ASPG: variants seen among roughly 807,000 people sequenced by gnomAD.
The protein encoded by ASPG is 60 kDa lysophospholipase.
ASPG carries 53 observed loss-of-function variants against 63.2 expected under a neutral mutation model. The observed-to-expected ratio is 0.84, with a 90% CI of 0.67 to 1.05. The LOEUF is 1.05. Among genes scored for constraint, ASPG ranks in the 50% least tolerant of loss-of-function variants. The probability of loss-of-function intolerance (pLI) is 0.00; values close to 1 mark genes in which losing one functional copy is unlikely to be tolerated. For missense variants in ASPG, 741 were observed against 794.4 expected, an observed-to-expected ratio of 0.93 and a Z score of 0.81; for synonymous variants, 370 against 355.0, an observed-to-expected ratio of 1.04 and a Z score of -0.48.
At chr14:104,105,937 C>T (rs980687464) in intron 10 of ASPG, among the ~76,000 whole-genome samples, 7 of 152,222 alleles carry the variant, frequency 4.6e-5, no homozygotes, top group African/African-American at 1.4e-4. Context: ...CCCTGGACCC[C>T]GCAACATGCC....
rs2037445829 is a variant in ASPG at position 104,115,310 on chromosome 14, T to C, written c.*2766T>C. On this transcript the variant is annotated 3_prime_UTR_variant, in exon 16 of 16. Coordinates refer to ENST00000551177, the MANE Select transcript of ASPG (RefSeq NM_001080464.3). ...GCTTGTACTTGTCACCTTCTCCCCG[T>C]CCTCTCTCGTCAGTTCCCTTGGATG... is the stretch of plus-strand genomic sequence containing the variant. The C allele has an allele frequency of 6.6e-6, 1 of 152,152 alleles. No individual in the cohort carries two copies. The highest frequency in any genetic ancestry group is 2.4e-5 in the African/African-American group (1 of 41,414). The allele number at this position is 152,152 out of a possible 1,614,324, so 9.4% of individuals were successfully genotyped here.
In ASPG at chr14:104,113,193, T is replaced by A. The variant is rs1476254533; in HGVS notation, c.*649T>A. 1 of 158,304 alleles carries A rather than the reference T, an allele frequency of 6.3e-6. No individual in the cohort carries two copies. The highest frequency in any genetic ancestry group is 1.9e-4 in the East Asian group (1 of 5,386). The allele number at this position is 158,304 out of a possible 1,614,324, so 9.8% of individuals were successfully genotyped here. A position where few individuals can be genotyped will look rare whatever the true frequency, so the allele number is the denominator to read the frequency against. On this transcript the variant is annotated 3_prime_UTR_variant, in exon 16 of 16. Coordinates refer to ENST00000551177, the MANE Select transcript of ASPG (RefSeq NM_001080464.3). ...ATAGGGCTGCGGAAGCCTGTGAGTG[T>A]CAAGGGGGCTTCACACTCTGGTGGT...
intron 5 of ASPG, 42 bp from the exon 6 acceptor site, chr14:104,098,811 A>G: frequency 1.2e-6 from 2 of 1,600,516 alleles, no homozygotes; most frequent in Non-Finnish European, 1.7e-6. Flanking sequence ...GGTCGGGGAC[A>G]GGGTGGCCGC....
rs1437458089 is a variant in ASPG at position 104,114,679 on chromosome 14, C to T, written c.*2135C>T. ...GCTGGGCAGTGACCTGGCCCCAAGG[C>T]CTCTGGCTCTCTGGCGTGCAGTGGG... is the stretch of plus-strand genomic sequence containing the variant. On this transcript the variant is annotated 3_prime_UTR_variant, in exon 16 of 16. Transcript: ENST00000551177. The T allele has an allele frequency of 1.3e-5, 2 of 152,444 alleles. No homozygotes were observed. The allele number at this position is 152,444 out of a possible 1,614,324, so 9.4% of individuals were successfully genotyped here. A position where few individuals can be genotyped will look rare whatever the true frequency, so the allele number is the denominator to read the frequency against.
intron 6 of ASPG, among the ~76,000 whole-genome samples, chr14:104,102,719 C>T (rs2036932571): frequency 6.6e-6 from 1 of 152,206 alleles, no homozygotes; most frequent in South Asian, 2.1e-4. Flanking sequence ...CCTCCCACCC[C>T]CACCCACATG....
At chr14:104,093,729 A>T in intron 3 of ASPG, 127 bp downstream of exon 3, 9 of 161,652 alleles carry the variant, frequency 5.6e-5, no homozygotes, top group East Asian at 1.6e-4. Context: ...GAGTGGGGCT[A>T]GGGAGCACGG....
chr14:104,086,169 A>G (rs1299663046), intron 1 of ASPG, among the ~76,000 whole-genome samples: 1 of 152,072 alleles, frequency 6.6e-6, no homozygotes, highest in East Asian at 1.9e-4. Flanking sequence ...ATGGGGCGGG[A>G]GGGCCCCAGG....
chr14:104,092,135 A>G (rs997067333), intron 1 of ASPG, among the ~76,000 whole-genome samples: 1 of 152,068 alleles, frequency 6.6e-6, no homozygotes, highest in African/African-American at 2.4e-5. Context: ...GAATGTGGGA[A>G]TAGCACTACA....
Position 104,085,837 on chromosome 14 carries a change from C to T in ASPG, c.67C>T (p.Arg23Trp). 1.3e-6 allele frequency: 2 copies of T among 1,589,108 alleles called. No individual in the cohort carries two copies. Among genetic ancestry groups the T allele is most frequent in the South Asian group, 1.1e-5 (1 of 89,290 alleles). Residue 23 changes from arginine (R) to tryptophan (W), a missense_variant, in exon 1 of 16, where the codon CGG (arginine) becomes TGG (tryptophan). Physicochemically the swap from Arg to Trp is moderately radical, Grantham distance 101 (BLOSUM62 -3). Coordinates refer to ENST00000551177, the MANE Select transcript of ASPG (RefSeq NM_001080464.3). ...AVYTGGTIGM[R>W]SELGVLVPGT... ...CTACACCGGCGGCACCATTGGCATGCGGAGTGAGCTCGGCGGTGAGTCCGA... is the reference window on the plus strand; with the variant it reads ...CTACACCGGCGGCACCATTGGCATGTGGAGTGAGCTCGGCGGTGAGTCCGA...
rs573788186 is a variant in ASPG at position 104,112,987 on chromosome 14, G to A, written c.*443G>A. ...CTCTGCCCATCTCCTTACCTCCTGCGCCTTCATTCTGGAGCTTGAAGTCCC... is the reference window on the plus strand; with the variant it reads ...CTCTGCCCATCTCCTTACCTCCTGCACCTTCATTCTGGAGCTTGAAGTCCC... On this transcript the variant is annotated 3_prime_UTR_variant, in exon 16 of 16. Coordinates refer to ENST00000551177, the MANE Select transcript of ASPG (RefSeq NM_001080464.3). The A allele has an allele frequency of 2.8e-4, 65 of 234,908 alleles. No homozygotes were observed. The highest frequency in any genetic ancestry group is 2.0e-4 in the Admixed American group (4 of 19,746). The allele number at this position is 234,908 out of a possible 1,614,324, so 14.6% of individuals were successfully genotyped here.
intron 14 of ASPG, 30 bp from the exon 15 acceptor site, chr14:104,111,890 A>C (rs1596117565): frequency 1.3e-6 from 2 of 1,545,782 alleles, no homozygotes; most frequent in East Asian, 4.9e-5. Context: ...AGTGGCCCCA[A>C]GGCAGCCCCT....
intron 12 of ASPG, among the ~76,000 whole-genome samples, chr14:104,108,117 C>T (rs779479587): frequency 6.6e-6 from 1 of 152,128 alleles, no homozygotes; most frequent in African/African-American, 2.4e-5. Context: ...CCCTCCCCAG[C>T]GGTGAAGCGG....
In ASPG at chr14:104,110,820, C is replaced by T. The variant is rs2037352469; in HGVS notation, c.1521-682C>T. 14 of 985,224 alleles carry T rather than the reference C, an allele frequency of 1.4e-5. No homozygotes were observed. The South Asian group carries it at 5.2e-4, about 36-fold the overall frequency. The allele number at this position is 985,224 out of a possible 1,614,324, so 61.0% of individuals were successfully genotyped here. A position where few individuals can be genotyped will look rare whatever the true frequency, so the allele number is the denominator to read the frequency against. On this transcript the variant is annotated intron_variant, in intron 13 of 15. Coordinates refer to ENST00000551177, the MANE Select transcript of ASPG (RefSeq NM_001080464.3). This position sits in a 1 kb window ranked among gnomAD's most constrained non-coding sequence, Gnocchi z 4.7. ...GGTCCCCACCTGGCCTGCTCCTGGC[C>T]TCCCCAGGTGGCGAGTGAGTTCTTC...
intron 15 of ASPG, 38 bp downstream of exon 15, chr14:104,112,038 T>C (rs1196198439): frequency 6.5e-6 from 10 of 1,532,856 alleles, no homozygotes; most frequent in African/African-American, 2.8e-5. Flanking sequence ...CACCCCCCAG[T>C]GAGCTTCTAG....
chr14:104,085,710 TC>T lies in ASPG; in HGVS notation c.-58del. On this transcript the variant is annotated 5_prime_UTR_variant, in exon 1 of 16. Coordinates refer to ENST00000551177, the MANE Select transcript of ASPG (RefSeq NM_001080464.3). ...GGGCCTCCTCCGCGCAGTCCCTGAG[TC>T]CCGCAGGCCCTGCGTCCCCGCTGCA... 1 of 1,394,958 alleles carries T rather than the reference TC, an allele frequency of 7.2e-7. No homozygotes were observed. The highest frequency in any genetic ancestry group is 1.5e-5 in the South Asian group (1 of 68,594). The allele number at this position is 1,394,958 out of a possible 1,614,324, so 86.4% of individuals were successfully genotyped here.
intron 10 of ASPG, 46 bp downstream of exon 10, chr14:104,105,496 A>G: frequency 2.0e-6 from 3 of 1,497,842 alleles, no homozygotes; most frequent in Non-Finnish European, 2.7e-6. Context: ...GGGACTGTGC[A>G]CCCTCTTGGT....
In ASPG at chr14:104,110,660, A is replaced by G. The variant is rs1275353520; in HGVS notation, c.1521-842A>G. 2 of 985,182 alleles carry G rather than the reference A, an allele frequency of 2.0e-6. No individual in the cohort carries two copies. Among genetic ancestry groups the G allele is most frequent in the Non-Finnish European group, 2.4e-6 (2 of 829,874 alleles). The allele number at this position is 985,182 out of a possible 1,614,324, so 61.0% of individuals were successfully genotyped here. On this transcript the variant is annotated intron_variant, in intron 13 of 15. Coordinates refer to ENST00000551177, the MANE Select transcript of ASPG (RefSeq NM_001080464.3). The surrounding 1 kb of genome is among the most constrained non-coding windows in gnomAD (Gnocchi z 4.7). ...TTCGCTGCAGAGATTACCCAGTGCC[A>G]CTGCAGGGCTGCTGCTGTTTCCTGG... is the stretch of plus-strand genomic sequence containing the variant.
rs900698027 is a variant in ASPG at position 104,110,010 on chromosome 14, G to A, written c.1520+695G>A. The A allele has an allele frequency of 1.1e-5, 11 of 985,248 alleles. No homozygotes were observed. Among genetic ancestry groups the A allele is most frequent in the Admixed American group, 1.2e-4 (2 of 16,266 alleles). 61.0% of individuals were successfully genotyped at this position (985,248 alleles called of 1,614,324 possible). On this transcript the variant is annotated intron_variant, in intron 13 of 15. Coordinates refer to ENST00000551177, the MANE Select transcript of ASPG (RefSeq NM_001080464.3). The surrounding 1 kb of genome is among the most constrained non-coding windows in gnomAD (Gnocchi z 4.7). The stretch of plus-strand genomic sequence containing the variant: ...GGGATGCAGGGATCCTCCTCTGTCC[G>A]CCACAGCCAGAATCGCTGCCCCCCA...
At chr14:104,104,192 C>G in intron 7 of ASPG, 112 bp from the exon 8 acceptor site, 1 of 1,244,386 alleles carries the variant, frequency 8.0e-7, no homozygotes, top group Non-Finnish European at 1.1e-6. Context: ...GCAGAGCAGG[C>G]ACCAGCTGCC....
Sources: allele counts gnomAD v4.1 joint callset (sites outside exome capture counted in the v4.1 genomes callset), GRCh38; gene constraint gnomAD v4.1.1; non-coding constraint Gnocchi (gnomAD v3.1); transcripts MANE v1.5; gene names NCBI Gene and HGNC (gene_info 2026-07-23, HGNC 2026-07-21).